The following LRFN2 variants were observed in gnomAD, a reference collection of about 807,000 sequenced individuals.
LRFN2 encodes the protein leucine-rich repeat and fibronectin type-III domain-containing protein 2.
A neutral mutation model predicts 37.3 loss-of-function variants in LRFN2; 18 were observed. The ratio of observed to expected loss-of-function variants is 0.48; its 90% confidence interval spans 0.33 to 0.72. The LOEUF is 0.72. LRFN2 is among the 30% of genes least tolerant of loss of function. The pLI is 0.02. For missense variants in LRFN2, 1,006 were observed against 1,060.7 expected (o/e 0.95, Z 0.72); for synonymous variants, 556 against 466.6 (o/e 1.19, Z -2.47).
At chr6:40,475,741 G>A (rs1452096127) in intron 1 of LRFN2, among the ~76,000 whole-genome samples, 1 of 152,070 alleles carries the variant, frequency 6.6e-6, no homozygotes, top group Non-Finnish European at 1.5e-5. Context: ...ATTCCAGGGG[G>A]CACCATGCTT....
intron 1 of LRFN2, among the ~76,000 whole-genome samples, chr6:40,453,008 A>G (rs1205820311): frequency 6.6e-6 from 1 of 152,188 alleles, no homozygotes; most frequent in Non-Finnish European, 1.5e-5. Context: ...GCTAGGTGTA[A>G]GAGATGAGCC....
intron 1 of LRFN2, among the ~76,000 whole-genome samples, chr6:40,462,028 G>C (rs1411998669): frequency 6.6e-6 from 1 of 152,132 alleles, no homozygotes; most frequent in Non-Finnish European, 1.5e-5. Flanking sequence ...GATTAAGTTT[G>C]AGCAAATGCA....
At chr6:40,402,863 C>T (rs150221360) in intron 2 of LRFN2, among the ~76,000 whole-genome samples, 8 of 152,320 alleles carry the variant, frequency 5.3e-5, no homozygotes, top group Non-Finnish European at 7.3e-5. Flanking sequence ...CTCTCTACTT[C>T]GGGACGCATG....
Position 40,535,187 on chromosome 6 carries a change from C to T in LRFN2, c.-19+51754G>A, listed in dbSNP as rs1258589043. Among the ~76,000 whole-genome samples, 4 of 152,272 alleles carry T rather than the reference C, an allele frequency of 2.6e-5. 1 individual carries two copies. Among genetic ancestry groups the T allele is most frequent in the African/African-American group, 9.6e-5 (4 of 41,564 alleles). ...TGCCACCTTGTTATGGGATCATAAA[C>T]CTGTGATCCCTCTGGGTCTCAGCCA... On this transcript the variant is annotated intron_variant, in intron 1 of 2. Coordinates refer to ENST00000338305, the MANE Select transcript of LRFN2 (RefSeq NM_020737.3).
In LRFN2 at chr6:40,392,050, G is replaced by A. The variant is rs747998035; in HGVS notation, c.2263C>T (p.Arg755Cys). 6.2e-7 allele frequency: 1 copy of A among 1,614,022 alleles called. No homozygotes were observed. ...AGCATGCCGTTGACAGAGAGGCTGC[G>A]CTTCGTCCAGATGTTCGAGACCTTC... is the stretch of plus-strand genomic sequence containing the variant. ...PRKVSNIWTK[R>C]SLSVNGMLLP... The change falls in exon 3 of 3, where the codon CGC becomes TGC. Residue 755 changes from arginine (R) to cysteine (C), a missense_variant. Coordinates refer to ENST00000338305, the MANE Select transcript of LRFN2 (RefSeq NM_020737.3). This position sits in a 1 kb window ranked among gnomAD's most constrained non-coding sequence, Gnocchi z 4.7.
rs1039252487 is a variant in LRFN2 at position 40,431,942 on chromosome 6, G to T, written c.1172C>A (p.Pro391His). The change falls in exon 2 of 3, where the codon CCC becomes CAC. Residue 391 changes from proline to histidine, a missense_variant. Pro to His is a moderately conservative substitution (Grantham distance 77). Transcript: ENST00000338305. Reference protein sequence around the residue: ...HLSNSTSRTAPPKSRLSDITG... With the variant: ...HLSNSTSRTAHPKSRLSDITG... ...GATGTCTGAGAGGCGGGACTTGGGG[G>T]GTGCAGTGCGGCTGGTGCTGTTGCT... The T allele has an allele frequency of 6.8e-6, 11 of 1,613,552 alleles. No homozygotes were observed. The highest frequency in any genetic ancestry group is 1.7e-5 in the Admixed American group (1 of 60,004).
At chr6:40,473,500 C>T (rs576000148) in intron 1 of LRFN2, among the ~76,000 whole-genome samples, 19 of 152,270 alleles carry the variant, frequency 1.2e-4, no homozygotes, top group African/African-American at 3.6e-4. Flanking sequence ...GGCATGGTTC[C>T]CAGGGTGCTA....
chr6:40,580,187 C>T (rs376314838), intron 1 of LRFN2, among the ~76,000 whole-genome samples: 1 of 152,172 alleles, frequency 6.6e-6, no homozygotes, highest in African/African-American at 2.4e-5. Flanking sequence ...TCTCCCACAC[C>T]CTATTTTGGT....
rs537313075 is a variant in LRFN2 at position 40,410,590 on chromosome 6, C to T, written c.1401-17678G>A. ...GATCAGAAGTAATGTACACCAAGCACTGGCATACAATATATACTCAATAAA... is the reference window on the plus strand; with the variant it reads ...GATCAGAAGTAATGTACACCAAGCATTGGCATACAATATATACTCAATAAA... On this transcript the variant is annotated intron_variant, in intron 2 of 2. Coordinates refer to ENST00000338305, the MANE Select transcript of LRFN2 (RefSeq NM_020737.3). Among the ~76,000 whole-genome samples, 4 of 152,326 alleles carry T rather than the reference C, an allele frequency of 2.6e-5. No homozygotes were observed. The East Asian group carries it at 7.7e-4, about 29-fold the overall frequency.
At chr6:40,398,368 C>T (rs1051505998) in intron 2 of LRFN2, among the ~76,000 whole-genome samples, 15 of 151,790 alleles carry the variant, frequency 9.9e-5, no homozygotes, top group African/African-American at 2.2e-4. Context: ...GGGTGGGCAC[C>T]GGACAAAGAA....
intron 1 of LRFN2, among the ~76,000 whole-genome samples, chr6:40,463,169 A>G (rs956156132): frequency 6.6e-5 from 10 of 152,322 alleles, no homozygotes; most frequent in Middle Eastern, 3.4e-3. Context: ...CCACCTAGTT[A>G]GAGTTTATAT....
At chr6:40,554,916 C>T (rs548295923) in intron 1 of LRFN2, among the ~76,000 whole-genome samples, 105 of 152,324 alleles carry the variant, frequency 6.9e-4, no homozygotes, top group African/African-American at 2.5e-3. Context: ...GTAAGGGCAA[C>T]ATTCTGTTTC....
At chr6:40,538,578 A>G (rs1377396734) in intron 1 of LRFN2, among the ~76,000 whole-genome samples, 3 of 152,270 alleles carry the variant, frequency 2.0e-5, no homozygotes, top group African/African-American at 7.2e-5. Context: ...CAAGATCCTC[A>G]TCAGAAAACC....
At chr6:40,425,701 G>C (rs1243240820) in intron 2 of LRFN2, among the ~76,000 whole-genome samples, 3 of 152,242 alleles carry the variant, frequency 2.0e-5, no homozygotes, top group Admixed American at 2.0e-4. Context: ...GCCAGGCCCT[G>C]CTGGTGGACT....
At chr6:40,519,267 G>C (rs1304791290) in intron 1 of LRFN2, among the ~76,000 whole-genome samples, 1 of 152,156 alleles carries the variant, frequency 6.6e-6, no homozygotes, top group Non-Finnish European at 1.5e-5. Flanking sequence ...TTAAAATCAA[G>C]AAAACTGAGC....
At chr6:40,514,874 A>G (rs1765816225) in intron 1 of LRFN2, among the ~76,000 whole-genome samples, 1 of 152,184 alleles carries the variant, frequency 6.6e-6, no homozygotes, top group African/African-American at 2.4e-5. Flanking sequence ...TTCTTAAAGT[A>G]TATCTCTTTT....
chr6:40,426,608 G>C (rs1019931578), intron 2 of LRFN2, among the ~76,000 whole-genome samples: 3 of 152,194 alleles, frequency 2.0e-5, no homozygotes, highest in African/African-American at 7.2e-5. Context: ...TTTTGTTTTT[G>C]TAACGGGCCA....
chr6:40,423,396 A>T (rs796355795), intron 2 of LRFN2, among the ~76,000 whole-genome samples: 12 of 152,104 alleles, frequency 7.9e-5, no homozygotes, highest in African/African-American at 2.4e-4. Context: ...AATCATAAGT[A>T]CTCTCAGCTA....
intron 1 of LRFN2, among the ~76,000 whole-genome samples, chr6:40,524,362 C>G (rs1009072800): frequency 4.6e-5 from 7 of 151,960 alleles, no homozygotes; most frequent in African/African-American, 1.2e-4. Flanking sequence ...GCCACCTCCC[C>G]CTACCCTGAC....
Sources: gnomAD v4.1 joint callset for allele counts (sites outside exome capture counted in the v4.1 genomes callset) on GRCh38, gnomAD v4.1.1 for gene constraint, Gnocchi (gnomAD v3.1) non-coding constraint, MANE v1.5 for transcripts, NCBI Gene and HGNC (gene_info 2026-07-23, HGNC 2026-07-21) for gene names.